Variants in RPS19 observed in about 807,000 individuals in gnomAD.
The protein encoded by RPS19 is small ribosomal subunit protein eS19.
In RPS19, 1 loss-of-function variant was observed where a neutral mutation model predicts 20.3. The observed-to-expected ratio is 0.05, with a 90% confidence interval of 0.02 to 0.23. The LOEUF (loss-of-function observed/expected upper bound fraction) is 0.23. RPS19 is among the 10% of genes least tolerant of loss of function. The pLI is 1.00. For missense variants in RPS19, 111 were observed against 192.7 expected (o/e 0.58, Z 2.51); for synonymous variants, 87 against 74.8 (o/e 1.16, Z -0.84).
At position 41,871,962 on chromosome 19, in the gene RPS19, T is replaced by C. The variant is rs1245483958; in HGVS notation, c.*585T>C. 6.3e-6 allele frequency: 1 copy of C among 159,052 alleles called. No homozygotes were observed. The highest frequency in any genetic ancestry group is 2.4e-5 in the African/African-American group (1 of 41,518). The allele number at this position is 159,052 out of a possible 1,614,324, so 9.9% of individuals were successfully genotyped here. On this transcript the variant is annotated 3_prime_UTR_variant, in exon 6 of 6. Transcript: ENST00000598742. ...CCACCGCAAACTGACCTGTGCTGCCTACACACTAACTTTCCTGGGCCTGGG... is the reference window on the plus strand; with the variant it reads ...CCACCGCAAACTGACCTGTGCTGCCCACACACTAACTTTCCTGGGCCTGGG...
At chr19:41,862,401 G>C (rs2074041325) in intron 3 of RPS19, among the ~76,000 whole-genome samples, 1 of 152,106 alleles carries the variant, frequency 6.6e-6, no homozygotes, top group African/African-American at 2.4e-5. Flanking sequence ...GTTTGTTTTA[G>C]ACAGAAAATG....
In RPS19 at chr19:41,861,598, C is replaced by T. The variant is rs976923757; in HGVS notation, c.172+386C>T. On this transcript the variant is annotated intron_variant, in intron 3 of 5. Coordinates refer to ENST00000598742, the MANE Select transcript of RPS19 (RefSeq NM_001022.4). ...ACCTGCCTGTGCACTCTCTCATCCC[C>T]AAAATGGGACTAATTATTGTACCAG... The T allele has an allele frequency of 2.2e-4, 75 of 340,994 alleles. 2 individuals are homozygous for T. The highest frequency in any genetic ancestry group is 1.5e-3 in the South Asian group (60 of 40,748). The allele number at this position is 340,994 out of a possible 1,614,324, so 21.1% of individuals were successfully genotyped here. A position where few individuals can be genotyped will look rare whatever the true frequency, so the allele number is the denominator to read the frequency against.
chr19:41,862,325 G>T (rs2074040574), intron 3 of RPS19, among the ~76,000 whole-genome samples: 1 of 152,198 alleles, frequency 6.6e-6, no homozygotes, highest in Non-Finnish European at 1.5e-5. Flanking sequence ...CTCAGCCGCG[G>T]CCTCTGAGGA....
chr19:41,869,175 C>T lies in RPS19; in HGVS notation c.317C>T (p.Ala106Val), dbSNP rs2074119741. Residue 106 changes from alanine (A) to valine (V), a missense_variant, in exon 4 of 6, where the codon GCC becomes GTC. Physicochemically the swap from Ala to Val is moderately conservative, Grantham distance 64. Transcript: ENST00000598742. ...SKSVARRVLQ[A>V]LEGLKMVEKD... ...AGTGTGGCCCGCCGGGTCCTCCAAG[C>T]CCTGGAGGGGCTGAAAATGGTGGAA... The T allele has an allele frequency of 6.2e-7, 1 of 1,613,898 alleles. No individual in the cohort carries two copies. Among genetic ancestry groups the T allele is most frequent in the Non-Finnish European group, 8.5e-7 (1 of 1,179,980 alleles).
intron 3 of RPS19, among the ~76,000 whole-genome samples, chr19:41,866,233 A>C (rs1222401681): frequency 6.6e-6 from 1 of 152,130 alleles, no homozygotes; most frequent in Non-Finnish European, 1.5e-5. Flanking sequence ...AACCTAGGCA[A>C]CAGAGAAAGA....
At chr19:41,863,510 T>G (rs1486803800) in intron 3 of RPS19, among the ~76,000 whole-genome samples, 1 of 152,170 alleles carries the variant, frequency 6.6e-6, no homozygotes, top group African/African-American at 2.4e-5. Context: ...GTCTGGCCTA[T>G]TTTGCCTCCT....
chr19:41,861,509 G>A, intron 3 of RPS19: 1 of 416,002 alleles, frequency 2.4e-6, no homozygotes. Context: ...ATACACGGAG[G>A]CAGACTCCCT....
intron 2 of RPS19, 116 bp from the exon 3 acceptor site, chr19:41,860,996 C>G (rs1423523538): frequency 5.4e-6 from 6 of 1,112,964 alleles, no homozygotes; most frequent in Non-Finnish European, 8.2e-6. Context: ...TGTTCCGGTT[C>G]CAGCCTCTCT....
At chr19:41,869,813 G>T in intron 5 of RPS19, 60 bp downstream of exon 5, 2 of 1,563,696 alleles carry the variant, frequency 1.3e-6, no homozygotes, top group Admixed American at 1.7e-5. Flanking sequence ...CATTTCCAAA[G>T]CCCATACTTT....
chr19:41,865,451 T>C (rs1277794601), intron 3 of RPS19, among the ~76,000 whole-genome samples: 1 of 151,816 alleles, frequency 6.6e-6, no homozygotes, highest in Non-Finnish European at 1.5e-5. Context: ...AGTGTCTCCT[T>C]TAGTACCGCA....
chr19:41,870,845 CTTCCTTTTTTTTTTT>C (rs1473112831), intron 5 of RPS19, among the ~76,000 whole-genome samples: 5 of 112,856 alleles, frequency 4.4e-5, no homozygotes, highest in African/African-American at 1.6e-4. Flanking sequence ...CCGCCACTCC[CTTCCTTTTTTTTTTT>C]TTTTTTTTTT....
chr19:41,868,862 C>G (rs61762292), intron 3 of RPS19, among the ~76,000 whole-genome samples, 169 bp from the exon 4 acceptor site: 5 of 150,926 alleles, frequency 3.3e-5, no homozygotes, highest in African/African-American at 1.2e-4. Flanking sequence ...CAAGGAAGAG[C>G]TAGCCGGGGG....
intron 3 of RPS19, among the ~76,000 whole-genome samples, chr19:41,865,767 TGA>T (rs1241616533): frequency 6.7e-6 from 1 of 148,736 alleles, no homozygotes; most frequent in Non-Finnish European, 1.5e-5. Context: ...GCTAACATGG[TGA>T]AACCCCATGT....
intron 5 of RPS19, among the ~76,000 whole-genome samples, chr19:41,870,421 G>T (rs192957558): frequency 6.6e-6 from 1 of 152,094 alleles, no homozygotes; most frequent in Admixed American, 6.6e-5. Context: ...GATAAGGGAG[G>T]GGGGCTGGTT....
intron 3 of RPS19, chr19:41,864,636 G>C (rs1015429575): frequency 3.9e-5 from 6 of 152,258 alleles, no homozygotes; most frequent in African/African-American, 9.7e-5. Context: ...CAGTAGAGTG[G>C]AGAGGGGTGG....
intron 3 of RPS19, 97 bp downstream of exon 3, chr19:41,861,309 A>G (rs1264918598): frequency 2.3e-6 from 2 of 870,648 alleles, no homozygotes; most frequent in African/African-American, 3.3e-5. Flanking sequence ...TCCCGCCCCA[A>G]GAGGGAGAGA....
At chr19:41,862,240 G>A (rs2074039636) in intron 3 of RPS19, among the ~76,000 whole-genome samples, 1 of 152,146 alleles carries the variant, frequency 6.6e-6, no homozygotes, top group Admixed American at 6.5e-5. Context: ...GTAGATTTGT[G>A]GTACACTTGT....
intron 3 of RPS19, among the ~76,000 whole-genome samples, chr19:41,862,045 C>A (rs2074037727): frequency 7.0e-6 from 1 of 142,326 alleles, no homozygotes; most frequent in Admixed American, 7.2e-5. Context: ...CACTAAGGGG[C>A]CTCGGCCTCT....
chr19:41,860,500 TG>T, intron 1 of RPS19: 1 of 497,092 alleles, frequency 2.0e-6, no homozygotes, highest in South Asian at 2.1e-5. Context: ...GCGGGGTGCG[TG>T]GGGCGTCCGG....
Sources: gnomAD v4.1 joint callset for allele counts (sites outside exome capture counted in the v4.1 genomes callset) on GRCh38, gnomAD v4.1.1 for gene constraint, MANE v1.5 for transcripts, NCBI Gene and HGNC (gene_info 2026-07-23, HGNC 2026-07-21) for gene names.